Variants in GTSE1 observed in about 807,000 individuals in gnomAD.
GTSE1 encodes G2 and S-phase expressed 1.
GTSE1 carries 52 observed loss-of-function variants against 60.5 expected under a neutral mutation model. That is an observed-to-expected ratio of 0.86 (90% CI 0.69 to 1.08). GTSE1 has a LOEUF of 1.08. Ranked by LOEUF, GTSE1 falls within the 50% of genes least tolerant of loss-of-function variation. GTSE1 has a pLI of 0.00. For synonymous variants in GTSE1, 368 were observed against 386.5 expected, an observed-to-expected ratio of 0.95 and a Z score of 0.56; for missense variants, 937 against 961.8, an observed-to-expected ratio of 0.97 and a Z score of 0.34.
intron 8 of GTSE1, among the ~76,000 whole-genome samples, chr22:46,323,789 G>A (rs780966049): frequency 2.6e-5 from 4 of 152,094 alleles, no homozygotes; most frequent in African/African-American, 9.7e-5. Flanking sequence ...CCGGGTTCAC[G>A]CCATTCTCCT....
At position 46,308,898 on chromosome 22, in the gene GTSE1, A is replaced by C; in HGVS notation, c.717A>C (p.Arg239=). ...CCGGGACCAAATTGCTGCTGCCTCG[A>C]GCGGCCTCTGTTAGAGGAAGAAGCA... The part of the protein sequence containing the change: ...RKPGTKLLLP[R]AASVRGRSIP... The change falls in exon 4 of 12, where the codon CGA becomes CGC. Residue 239 remains arginine, a synonymous_variant. Coordinates refer to ENST00000454366, the MANE Select transcript of GTSE1 (RefSeq NM_016426.7). 6.2e-7 allele frequency: 1 copy of C among 1,613,114 alleles called. No homozygotes were observed. The highest frequency in any genetic ancestry group is 8.5e-7 in the Non-Finnish European group (1 of 1,180,024).
intron 7 of GTSE1, among the ~76,000 whole-genome samples, 169 bp from the exon 8 acceptor site, chr22:46,323,021 C>A (rs1313389628): frequency 6.6e-6 from 1 of 152,240 alleles, no homozygotes; most frequent in Non-Finnish European, 1.5e-5. Context: ...TCTCATGTGG[C>A]TGCCTGCAGC....
rs1309229609 is a variant in GTSE1, at chr22:46,316,239, A to T, written c.1259A>T (p.Gln420Leu). ...GCACCCCCCTCAGCATCCCCCACCC[A>T]ACCCCAGACTCCGGAAGGTGGCGGC... ...LTAPPSASPT[Q>L]PQTPEGGGQW... is the part of the protein sequence containing the mutation. Residue 420 changes from glutamine to leucine, a missense_variant, in exon 7 of 12, where the codon CAA becomes CTA. Gln to Leu is a moderately radical substitution (Grantham distance 113). Transcript: ENST00000454366. This position sits in a 1 kb window ranked among gnomAD's most constrained non-coding sequence, Gnocchi z 5.0. 6 of 1,613,586 alleles carry T rather than the reference A, an allele frequency of 3.7e-6. No individual in the cohort carries two copies. Among genetic ancestry groups the T allele is most frequent in the Non-Finnish European group, 5.1e-6 (6 of 1,179,974 alleles).
At position 46,318,975 on chromosome 22, in the gene GTSE1, C is replaced by T. The variant is rs555164666; in HGVS notation, c.1432+2563C>T. ...CAAATCCCCACCTTTCAAGGACCCTCACTGCAAGTTGTCCCTGTGACTCCG... is the reference window on the plus strand; with the variant it reads ...CAAATCCCCACCTTTCAAGGACCCTTACTGCAAGTTGTCCCTGTGACTCCG... On this transcript the variant is annotated intron_variant, in intron 7 of 11. Coordinates refer to ENST00000454366, the MANE Select transcript of GTSE1 (RefSeq NM_016426.7). This position sits in a 1 kb window ranked among gnomAD's most constrained non-coding sequence, Gnocchi z 4.8. Among the ~76,000 whole-genome samples, 4 of 152,332 alleles carry T rather than the reference C, an allele frequency of 2.6e-5. No homozygotes were observed. In the East Asian group the frequency reaches 7.7e-4, roughly 29 times the overall value.
rs199530380 is a variant in GTSE1, at chr22:46,326,522, C to T, written c.1592C>T (p.Pro531Leu). The part of the protein sequence containing the change: ...LLSAWRVSAL[P>L]TPASRRCSGL... ...AGCGCATGGCGTGTGTCAGCCTTGC[C>T]CACACCCGCCAGCCGGCGCTGCTCT... Residue 531 changes from proline to leucine, a missense_variant, in exon 9 of 12, where the codon CCC (proline) becomes CTC (leucine). Coordinates refer to ENST00000454366, the MANE Select transcript of GTSE1 (RefSeq NM_016426.7). 47 of 1,614,062 alleles carry T rather than the reference C, an allele frequency of 2.9e-5. No individual in the cohort carries two copies. Among genetic ancestry groups the T allele is most frequent in the Non-Finnish European group, 3.6e-5 (42 of 1,179,932 alleles).
intron 2 of GTSE1, among the ~76,000 whole-genome samples, chr22:46,303,290 C>T (rs748855989): frequency 1.3e-5 from 2 of 152,116 alleles, no homozygotes; most frequent in Admixed American, 6.6e-5. Context: ...GTTTGTTTAT[C>T]GTTATTTTGC....
rs1329790435 is a variant in GTSE1, at chr22:46,324,917, G to C, written c.1506-1519G>C. On this transcript the variant is annotated intron_variant, in intron 8 of 11. Transcript: ENST00000454366. This position sits in a 1 kb window ranked among gnomAD's most constrained non-coding sequence, Gnocchi z 5.2. ...ATTGCCCAGAATAGAGCAATAGACA[G>C]GTCTCCCTGGCCTCCCGAGGGGCCA... 6.6e-6 allele frequency among the ~76,000 whole-genome samples: 1 copy of C among 152,182 alleles called. No individual in the cohort carries two copies. The highest frequency in any genetic ancestry group is 1.9e-4 in the East Asian group (1 of 5,196).
rs1479465416 is a variant in GTSE1 at position 46,297,200 on chromosome 22, G to A, written c.-21-180G>A. 6.6e-6 allele frequency among the ~76,000 whole-genome samples: 1 copy of A among 152,226 alleles called. No individual in the cohort carries two copies. Among genetic ancestry groups the A allele is most frequent in the African/African-American group, 2.4e-5 (1 of 41,470 alleles). On this transcript the variant is annotated intron_variant, in intron 1 of 11. Transcript: ENST00000454366. This position sits in a 1 kb window ranked among gnomAD's most constrained non-coding sequence, Gnocchi z 4.9. Reference sequence around the variant, plus strand: ...GGCGTTCGGGCTGACTCCCGGCCTGGCGGCACTCGGGCCCTGGGGTCCCCT... The same window carrying A: ...GGCGTTCGGGCTGACTCCCGGCCTGACGGCACTCGGGCCCTGGGGTCCCCT...
chr22:46,324,637 G>T lies in GTSE1; in HGVS notation c.1505+1375G>T, dbSNP rs1199546433. Among the ~76,000 whole-genome samples the T allele has an allele frequency of 6.6e-6, 1 of 152,186 alleles. No individual in the cohort carries two copies. Among genetic ancestry groups the T allele is most frequent in the Non-Finnish European group, 1.5e-5 (1 of 68,036 alleles). ...CAGCCTTGGCCTCGCAAAGTGCTGGGATTACAGGTGTGAGCCACCGCGCCT... is the reference window on the plus strand; with the variant it reads ...CAGCCTTGGCCTCGCAAAGTGCTGGTATTACAGGTGTGAGCCACCGCGCCT... On this transcript the variant is annotated intron_variant, in intron 8 of 11. Coordinates refer to ENST00000454366, the MANE Select transcript of GTSE1 (RefSeq NM_016426.7). The surrounding 1 kb of genome is among the most constrained non-coding windows in gnomAD (Gnocchi z 5.2).
rs1392985315 is a variant in GTSE1, at chr22:46,314,848, C to T, written c.1051+835C>T. On this transcript the variant is annotated intron_variant, in intron 6 of 11. Coordinates refer to ENST00000454366, the MANE Select transcript of GTSE1 (RefSeq NM_016426.7). This position sits in a 1 kb window ranked among gnomAD's most constrained non-coding sequence, Gnocchi z 7.1. ...CCGAGATTGCATCACTGCACTCCGT[C>T]TCAAAAAAAAAAAAAAAAATGATAA... Among the ~76,000 whole-genome samples the T allele has an allele frequency of 3.7e-5, 5 of 136,698 alleles. No homozygotes were observed. The highest frequency in any genetic ancestry group is 1.5e-4 in the African/African-American group (5 of 32,634). The allele number at this position is 136,698 out of a possible 152,430, so 89.7% of individuals were successfully genotyped here.
In GTSE1 at chr22:46,329,311, GC is replaced by G; in HGVS notation, c.1927-45del. On this transcript the variant is annotated intron_variant, in intron 10 of 11. Transcript: ENST00000454366. This position sits in a 1 kb window ranked among gnomAD's most constrained non-coding sequence, Gnocchi z 6.4. ...AAGCTCACATTCTCCCAAGATGGTT[GC>G]CAGAAAGATGCTGGACTCTGCTCTT... 1 of 1,435,546 alleles carries G rather than the reference GC, an allele frequency of 7.0e-7. No homozygotes were observed. The highest frequency in any genetic ancestry group is 1.1e-5 in the South Asian group (1 of 87,568). The allele number at this position is 1,435,546 out of a possible 1,614,324, so 88.9% of individuals were successfully genotyped here.
rs569884891 is a variant in GTSE1 at position 46,308,690 on chromosome 22, A to G, written c.509A>G (p.Asp170Gly). 7.4e-6 allele frequency: 12 copies of G among 1,613,912 alleles called. No individual in the cohort carries two copies. The highest frequency in any genetic ancestry group is 5.0e-5 in the Admixed American group (3 of 60,032). The change falls in exon 4 of 12, where the codon GAC becomes GGC. Residue 170 changes from aspartate to glycine, a missense_variant. Physicochemically the swap from Asp to Gly is moderately conservative, Grantham distance 94 (BLOSUM62 -1). Transcript: ENST00000454366. Reference sequence around the variant, plus strand: ...AAAAGGGAGACATACTACCTGTCAGACAGCCCCTTGCTGGGGCCCCCTGTG... The same window carrying G: ...AAAAGGGAGACATACTACCTGTCAGGCAGCCCCTTGCTGGGGCCCCCTGTG... ...SLKRETYYLSDSPLLGPPVGE... is the reference protein window; with the variant it reads ...SLKRETYYLSGSPLLGPPVGE...
In GTSE1 at chr22:46,321,296, T is replaced by G. The variant is rs2077811194; in HGVS notation, c.1433-1894T>G. 6.6e-6 allele frequency among the ~76,000 whole-genome samples: 1 copy of G among 152,074 alleles called. No homozygotes were observed. Among genetic ancestry groups the G allele is most frequent in the Admixed American group, 6.5e-5 (1 of 15,268 alleles). ...CTGGGCACCTGTAGTCCCAGCTACTTGGGAGACTGAGGCAGGAAGATTACT... is the reference window on the plus strand; with the variant it reads ...CTGGGCACCTGTAGTCCCAGCTACTGGGGAGACTGAGGCAGGAAGATTACT... On this transcript the variant is annotated intron_variant, in intron 7 of 11. Transcript: ENST00000454366. The surrounding 1 kb of genome is among the most constrained non-coding windows in gnomAD (Gnocchi z 4.0).
chr22:46,312,209 T>C lies in GTSE1; in HGVS notation c.831T>C (p.Asp277=). The C allele has an allele frequency of 6.2e-7, 1 of 1,614,130 alleles. No individual in the cohort carries two copies. Among genetic ancestry groups the C allele is most frequent in the Non-Finnish European group, 8.5e-7 (1 of 1,179,978 alleles). Residue 277 remains aspartate (D), a synonymous_variant, in exon 5 of 12, where the codon GAT becomes GAC. Coordinates refer to ENST00000454366, the MANE Select transcript of GTSE1 (RefSeq NM_016426.7). ...CAGCTGAGAAGGAATCCCACCGGGA[T>C]GTTCTCCCTGACAAACCTGCCCCGG... ...KIPAEKESHR[D]VLPDKPAPGA...
intron 2 of GTSE1, among the ~76,000 whole-genome samples, chr22:46,302,524 G>A (rs1008463291): frequency 3.9e-5 from 6 of 152,068 alleles, no homozygotes; most frequent in Non-Finnish European, 8.8e-5. Flanking sequence ...ACCACGCCTA[G>A]CTAATTTTTG....
Position 46,309,249 on chromosome 22 carries a change from A to G in GTSE1, c.762+306A>G, listed in dbSNP as rs1024643877. On this transcript the variant is annotated intron_variant, in intron 4 of 11. Transcript: ENST00000454366. This position sits in a 1 kb window ranked among gnomAD's most constrained non-coding sequence, Gnocchi z 6.2. The stretch of plus-strand genomic sequence containing the variant: ...GCTTTAATAAGCAACCTCTTCCAAA[A>G]ACTCCCCTCCTCTGCAATGGCTGCT... Among the ~76,000 whole-genome samples, 17 of 152,084 alleles carry G rather than the reference A, an allele frequency of 1.1e-4. No individual in the cohort carries two copies. The highest frequency in any genetic ancestry group is 3.9e-4 in the African/African-American group (16 of 41,420).
At chr22:46,299,916 C>T (rs1305793608) in intron 2 of GTSE1, among the ~76,000 whole-genome samples, 3 of 150,020 alleles carry the variant, frequency 2.0e-5, no homozygotes, top group South Asian at 2.1e-4. Context: ...CCTCAGCCTC[C>T]TGAGTATCTG....
chr22:46,299,763 T>G (rs1233945107), intron 2 of GTSE1, among the ~76,000 whole-genome samples: 1 of 152,094 alleles, frequency 6.6e-6, no homozygotes, highest in Non-Finnish European at 1.5e-5. Flanking sequence ...AAACACAAGT[T>G]AGATTATAAA....
chr22:46,313,463 A>G lies in GTSE1; in HGVS notation c.928-427A>G, dbSNP rs2077760383. ...GACTTTTTTCTTCTTTAAATTCAAGATGATAATTATTAGATTATTTTAAAA... is the reference window on the plus strand; with the variant it reads ...GACTTTTTTCTTCTTTAAATTCAAGGTGATAATTATTAGATTATTTTAAAA... On this transcript the variant is annotated intron_variant, in intron 5 of 11. Transcript: ENST00000454366. This position sits in a 1 kb window ranked among gnomAD's most constrained non-coding sequence, Gnocchi z 4.4. 6.6e-6 allele frequency among the ~76,000 whole-genome samples: 1 copy of G among 152,290 alleles called. No homozygotes were observed. The highest frequency in any genetic ancestry group is 1.9e-4 in the East Asian group (1 of 5,180).
Sources: gnomAD v4.1 joint callset for allele counts (sites outside exome capture counted in the v4.1 genomes callset) on GRCh38, gnomAD v4.1.1 for gene constraint, Gnocchi (gnomAD v3.1) non-coding constraint, MANE v1.5 for transcripts, NCBI Gene and HGNC (gene_info 2026-07-23, HGNC 2026-07-21) for gene names.